Variants in PCDHGA3 observed in about 807,000 individuals in gnomAD.
The protein encoded by PCDHGA3 is protocadherin gamma-A3.
A neutral mutation model predicts 58.5 loss-of-function variants in PCDHGA3; 40 were observed. The ratio of observed to expected loss-of-function variants is 0.68; its 90% CI spans 0.53 to 0.89. The LOEUF (loss-of-function observed/expected upper bound fraction) is 0.89. PCDHGA3 is among the 40% of genes least tolerant of loss of function. The pLI is 0.00. For synonymous variants in PCDHGA3, 530 were observed against 525.7 expected, an observed-to-expected ratio of 1.01 and a Z score of -0.11; for missense variants, 1,223 against 1,195.9, an observed-to-expected ratio of 1.02 and a Z score of -0.33.
chr5:141,389,200 A>C, intron 1 of PCDHGA3: 1 of 1,614,034 alleles, frequency 6.2e-7, no homozygotes, highest in Non-Finnish European at 8.5e-7. Context: ...ATCACCCTGC[A>C]CATTGGTGAT....
At chr5:141,421,065 A>C in intron 1 of PCDHGA3, 1 of 591,556 alleles carries the variant, frequency 1.7e-6, no homozygotes. Flanking sequence ...CACAAAGCGG[A>C]ATGAGATGGA....
Position 141,344,921 on chromosome 5 carries a change from A to G in PCDHGA3, c.888A>G (p.Ser296=), listed in dbSNP as rs371528131. Residue 296 remains serine, a synonymous_variant, in exon 1 of 4, where the codon TCA becomes TCG. Transcript: ENST00000253812. The part of the protein sequence containing the change: ...GKIAEIFHLN[S]VSGEVSILKS... ...TCGCTGAGATTTTCCATCTTAACTC[A>G]GTGAGTGGAGAAGTATCAATATTAA... 4.2e-5 allele frequency: 67 copies of G among 1,613,822 alleles called. No homozygotes were observed. Among genetic ancestry groups the G allele is most frequent in the Non-Finnish European group, 5.0e-5 (59 of 1,179,856 alleles).
chr5:141,398,874 C>G (rs1384943457), intron 1 of PCDHGA3: 1 of 1,613,978 alleles, frequency 6.2e-7, no homozygotes, highest in South Asian at 1.1e-5. Context: ...TGTACAGAGT[C>G]AGCCTTCGGG....
At chr5:141,398,534 A>T in intron 1 of PCDHGA3, 1 of 1,613,768 alleles carries the variant, frequency 6.2e-7, no homozygotes, top group South Asian at 1.1e-5. Flanking sequence ...TTCACGCAAA[A>T]TTCCTTTGAG....
intron 1 of PCDHGA3, chr5:141,402,978 T>C (rs746626227): frequency 2.5e-6 from 4 of 1,608,452 alleles, no homozygotes; most frequent in Non-Finnish European, 3.4e-6. Context: ...AAATGCCAGC[T>C]CCGCGGAAGA....
chr5:141,371,124 C>G, intron 1 of PCDHGA3: 1 of 1,613,998 alleles, frequency 6.2e-7, no homozygotes, highest in Non-Finnish European at 8.5e-7. Context: ...AGTATTTACT[C>G]AGGACATGTA....
chr5:141,486,253 C>G lies in PCDHGA3; in HGVS notation c.2425-8554C>G. On this transcript the variant is annotated intron_variant, in intron 1 of 3. Coordinates refer to ENST00000253812, the MANE Select transcript of PCDHGA3 (RefSeq NM_018916.4). The surrounding 1 kb of genome is among the most constrained non-coding windows in gnomAD (Gnocchi z 5.0). Reference sequence around the variant, plus strand: ...TGACCTCAGAGCTTGGAACCCTCCCCGAGAGTGCAGAACCTGGCACTGTGG... The same window carrying G: ...TGACCTCAGAGCTTGGAACCCTCCCGGAGAGTGCAGAACCTGGCACTGTGG... The G allele has an allele frequency of 6.2e-7, 1 of 1,614,138 alleles. No homozygotes were observed. Among genetic ancestry groups the G allele is most frequent in the East Asian group, 2.2e-5 (1 of 44,866 alleles).
At chr5:141,447,390 G>A (rs1048677634) in intron 1 of PCDHGA3, among the ~76,000 whole-genome samples, 4 of 151,976 alleles carry the variant, frequency 2.6e-5, no homozygotes, top group Admixed American at 6.6e-5. Flanking sequence ...TGCCCACCTC[G>A]GCCTCCCAAA....
chr5:141,403,666 T>C (rs2094439937), intron 1 of PCDHGA3: 1 of 1,613,926 alleles, frequency 6.2e-7, no homozygotes, highest in Non-Finnish European at 8.5e-7. Context: ...CAAATGATAA[T>C]GCCCCGGTTT....
At chr5:141,415,315 G>A (rs201784236) in intron 1 of PCDHGA3, 2 of 1,614,220 alleles carry the variant, frequency 1.2e-6, no homozygotes, top group Middle Eastern at 1.6e-4. Context: ...CTTCGTCATC[G>A]TGCTGCTGGC....
chr5:141,416,817 C>T (rs1197915095), intron 1 of PCDHGA3: 1 of 151,958 alleles, frequency 6.6e-6, no homozygotes, highest in Non-Finnish European at 1.5e-5. Flanking sequence ...AAAAAGCATT[C>T]CGAAGTTTCT....
chr5:141,434,073 A>G (rs1372471160), intron 1 of PCDHGA3, among the ~76,000 whole-genome samples: 2 of 152,058 alleles, frequency 1.3e-5, no homozygotes, highest in African/African-American at 4.8e-5. Flanking sequence ...GTTAATATCA[A>G]TTATTTATTT....
intron 1 of PCDHGA3, among the ~76,000 whole-genome samples, chr5:141,369,378 T>A (rs866878162): frequency 6.6e-6 from 1 of 151,988 alleles, no homozygotes; most frequent in Admixed American, 6.6e-5. Context: ...TTTGTAAAAG[T>A]TTTTCATTTG....
rs566838507 is a variant in PCDHGA3, at chr5:141,415,047, G to T, written c.2424+68590G>T. ...GCGAGCCGGGACTCTTCGCGGTGGG[G>T]GAGCACACGGGCGAGGTGCGCACGG... On this transcript the variant is annotated intron_variant, in intron 1 of 3. Transcript: ENST00000253812. The T allele has an allele frequency of 4.2e-5, 67 of 1,613,220 alleles. 1 individual carries two copies. The Admixed American group carries it at 6.0e-4, about 14-fold the overall frequency.
rs775331499 is a variant in PCDHGA3 at position 141,422,779 on chromosome 5, C to T, written c.2425-72028C>T. The T allele has an allele frequency of 8.7e-6, 14 of 1,614,070 alleles. No homozygotes were observed. In the East Asian group the frequency reaches 2.9e-4, roughly 33 times the overall value. ...CTCCAACACTGGTGTTCTCTATGCC[C>T]TACAATCCTTCGACTATGAGCAGTT... On this transcript the variant is annotated intron_variant, in intron 1 of 3. Transcript: ENST00000253812.
intron 1 of PCDHGA3, chr5:141,389,450 G>C: frequency 6.2e-7 from 1 of 1,610,530 alleles, no homozygotes; most frequent in Non-Finnish European, 8.5e-7. Context: ...ACCACGAGCA[G>C]CTGCGCGCCT....
intron 1 of PCDHGA3, among the ~76,000 whole-genome samples, chr5:141,464,197 G>A (rs1216682352): frequency 3.3e-5 from 5 of 151,394 alleles, no homozygotes; most frequent in African/African-American, 9.7e-5. Context: ...TTCAGGAGGC[G>A]GAGATTGCAG....
chr5:141,457,422 T>C (rs2098920028), intron 1 of PCDHGA3, among the ~76,000 whole-genome samples: 1 of 151,626 alleles, frequency 6.6e-6, no homozygotes. Flanking sequence ...CATCCCTTTT[T>C]CCCCCCCACC....
chr5:141,398,329 G>A, intron 1 of PCDHGA3: 2 of 1,358,092 alleles, frequency 1.5e-6, no homozygotes, highest in African/African-American at 1.5e-5. Flanking sequence ...AAAACTGCGC[G>A]TCAGTTCGGA....
Sources: gnomAD v4.1 joint callset for allele counts (sites outside exome capture counted in the v4.1 genomes callset) on GRCh38, gnomAD v4.1.1 for gene constraint, Gnocchi (gnomAD v3.1) non-coding constraint, MANE v1.5 for transcripts, NCBI Gene and HGNC (gene_info 2026-07-23, HGNC 2026-07-21) for gene names.